MTSS1: variants seen among roughly 807,000 people sequenced by gnomAD.
The protein encoded by MTSS1 is MTSS I-BAR domain containing 1.
A neutral mutation model predicts 79.0 loss-of-function variants in MTSS1; 18 were observed. The observed-to-expected ratio is 0.23, with a 90% CI of 0.16 to 0.34. The LOEUF (loss-of-function observed/expected upper bound fraction) is 0.34. Ranked by LOEUF, MTSS1 falls within the 10% of genes least tolerant of loss-of-function variation. The pLI is 1.00. For synonymous variants in MTSS1, 341 were observed against 368.6 expected (o/e 0.93, Z 0.86); for missense variants, 815 against 986.2 (o/e 0.83, Z 2.33).
intron 3 of MTSS1, among the ~76,000 whole-genome samples, chr8:124,632,977 C>A (rs1405327139): frequency 1.3e-5 from 2 of 151,934 alleles, no homozygotes; most frequent in Admixed American, 1.3e-4. Flanking sequence ...CTCAATCCTG[C>A]CTTTCACTAA....
intron 3 of MTSS1, among the ~76,000 whole-genome samples, chr8:124,607,787 C>G (rs1258629443): frequency 6.6e-6 from 1 of 152,226 alleles, no homozygotes; most frequent in Non-Finnish European, 1.5e-5. Context: ...CTAACTTAAG[C>G]ACTCACAGTC....
At chr8:124,557,455 G>A (rs1294197502) in intron 11 of MTSS1, among the ~76,000 whole-genome samples, 1 of 152,238 alleles carries the variant, frequency 6.6e-6, no homozygotes, top group East Asian at 1.9e-4. Context: ...GTCCCCTGAA[G>A]GAAGACCCTC....
intron 3 of MTSS1, among the ~76,000 whole-genome samples, chr8:124,605,237 A>G (rs902587400): frequency 6.6e-6 from 1 of 152,188 alleles, no homozygotes; most frequent in East Asian, 1.9e-4. Flanking sequence ...TGCTGAAGCC[A>G]GGTCTGAGCG....
chr8:124,723,916 G>A (rs1006890361), intron 1 of MTSS1, among the ~76,000 whole-genome samples: 1 of 152,022 alleles, frequency 6.6e-6, no homozygotes, highest in African/African-American at 2.4e-5. Context: ...TTTTTTTGAG[G>A]CCTCCAAGGG....
At chr8:124,628,184 C>A (rs1815118542) in intron 3 of MTSS1, among the ~76,000 whole-genome samples, 2 of 152,070 alleles carry the variant, frequency 1.3e-5, no homozygotes, top group South Asian at 4.1e-4. Flanking sequence ...ACAACAACAG[C>A]AACAAACTAG....
At chr8:124,669,246 TAAAC>T (rs1244141342) in intron 3 of MTSS1, among the ~76,000 whole-genome samples, 1 of 152,228 alleles carries the variant, frequency 6.6e-6, no homozygotes, top group African/African-American at 2.4e-5. Flanking sequence ...ATTTTCTAAT[TAAAC>T]AAACAATTAG....
At chr8:124,641,142 G>A (rs1817970139) in intron 3 of MTSS1, among the ~76,000 whole-genome samples, 1 of 152,036 alleles carries the variant, frequency 6.6e-6, no homozygotes, top group Non-Finnish European at 1.5e-5. Context: ...ACATGGCAGG[G>A]GACAAGGAAG....
intron 7 of MTSS1, chr8:124,567,977 A>T: frequency 7.4e-7 from 1 of 1,347,976 alleles, no homozygotes; most frequent in South Asian, 2.1e-5. Flanking sequence ...TACAACAGTG[A>T]GTCTCAAAAC....
chr8:124,629,194 C>A (rs1815347961), intron 3 of MTSS1, among the ~76,000 whole-genome samples: 1 of 152,132 alleles, frequency 6.6e-6, no homozygotes, highest in African/African-American at 2.4e-5. Flanking sequence ...GAGATTAAGC[C>A]ACTTAAAGTT....
chr8:124,620,888 C>T (rs1010133005), intron 3 of MTSS1, among the ~76,000 whole-genome samples: 1 of 152,218 alleles, frequency 6.6e-6, no homozygotes, highest in Non-Finnish European at 1.5e-5. Context: ...GAAACAGTAT[C>T]GTGAATGGCT....
intron 1 of MTSS1, among the ~76,000 whole-genome samples, chr8:124,721,093 AG>A (rs1832842865): frequency 6.6e-6 from 1 of 152,200 alleles, no homozygotes; most frequent in South Asian, 2.1e-4. Context: ...GTTGCAACGC[AG>A]GCACACTCTA....
At chr8:124,603,851 A>G (rs1377392962) in intron 3 of MTSS1, among the ~76,000 whole-genome samples, 8 of 152,196 alleles carry the variant, frequency 5.3e-5, no homozygotes, top group Non-Finnish European at 8.8e-5. Context: ...TGCCTGTGCC[A>G]TTTACAAGAT....
At chr8:124,590,726 C>T (rs16899806) in intron 4 of MTSS1, among the ~76,000 whole-genome samples, 2,709 of 152,314 alleles carry the variant, frequency 0.018, 87 homozygotes, top group African/African-American at 0.062. Context: ...GGGAAGCTGG[C>T]GGTGTGGAGT....
At chr8:124,707,977 C>T (rs918614894) in intron 1 of MTSS1, among the ~76,000 whole-genome samples, 4 of 152,234 alleles carry the variant, frequency 2.6e-5, no homozygotes, top group Non-Finnish European at 4.4e-5. Flanking sequence ...GGTCTAGTCA[C>T]AGCCCTGCCA....
chr8:124,701,748 T>A (rs79030033), intron 2 of MTSS1, among the ~76,000 whole-genome samples: 6 of 152,242 alleles, frequency 3.9e-5, no homozygotes, highest in Non-Finnish European at 1.5e-5. Context: ...CATATTTCAC[T>A]GTCCGCTGTA....
chr8:124,712,525 T>C (rs1398837313), intron 1 of MTSS1, among the ~76,000 whole-genome samples: 1 of 152,194 alleles, frequency 6.6e-6, no homozygotes, highest in Non-Finnish European at 1.5e-5. Context: ...ATGCCTGTCA[T>C]AGCTTTGTCC....
At chr8:124,558,680 T>A in intron 10 of MTSS1, 1 of 1,502,168 alleles carries the variant, frequency 6.7e-7, no homozygotes, top group Non-Finnish European at 8.9e-7. Flanking sequence ...CCAGGGAGAG[T>A]GGGGCCGCTG....
chr8:124,647,211 T>A (rs904060536), intron 3 of MTSS1, among the ~76,000 whole-genome samples: 4 of 152,228 alleles, frequency 2.6e-5, no homozygotes, highest in African/African-American at 9.6e-5. Context: ...TACATTTTCA[T>A]ACTATTTATG....
chr8:124,676,969 T>C (rs942285857), intron 3 of MTSS1, among the ~76,000 whole-genome samples: 10 of 152,190 alleles, frequency 6.6e-5, no homozygotes, highest in African/African-American at 2.4e-4. Context: ...TCATACTGTG[T>C]TCCCCATGTG....
Sources: allele counts gnomAD v4.1 joint callset (sites outside exome capture counted in the v4.1 genomes callset), GRCh38; gene constraint gnomAD v4.1.1; transcripts MANE v1.5; gene names NCBI Gene and HGNC (gene_info 2026-07-23, HGNC 2026-07-21).